ZNF385D: variants seen among roughly 807,000 people sequenced by gnomAD.
The protein encoded by ZNF385D is zinc finger protein 385D, also known as zinc finger protein 659.
ZNF385D carries 15 observed loss-of-function variants against 35.8 expected under a neutral mutation model. The ratio of observed to expected loss-of-function variants is 0.42; its 90% confidence interval spans 0.28 to 0.64. The LOEUF (loss-of-function observed/expected upper bound fraction) is 0.64, where lower values mean the gene tolerates loss of function less well. Ranked by LOEUF, ZNF385D falls within the 30% of genes least tolerant of loss-of-function variation. The pLI is 0.23. For missense variants in ZNF385D, 474 were observed against 494.6 expected, an observed-to-expected ratio of 0.96 and a Z score of 0.39; for synonymous variants, 212 against 186.8, an observed-to-expected ratio of 1.13 and a Z score of -1.10.
At chr3:22,204,369 G>C (rs746948026) in intron 2 of ZNF385D, among the ~76,000 whole-genome samples, 1 of 152,020 alleles carries the variant, frequency 6.6e-6, no homozygotes, top group East Asian at 1.9e-4. Flanking sequence ...CTGAATACCT[G>C]GAAAATCTTT....
intron 2 of ZNF385D, among the ~76,000 whole-genome samples, chr3:22,246,806 T>A (rs1205854590): frequency 6.6e-6 from 1 of 152,184 alleles, no homozygotes; most frequent in Non-Finnish European, 1.5e-5. Flanking sequence ...TAAGCCTTTT[T>A]TACTTTTCCC....
chr3:21,805,468 T>C lies in ZNF385D; in HGVS notation c.326-140440A>G, dbSNP rs144756186. ...ATAAAACAAATGCATAAGTGAATCA[T>C]GTCCATTCAATCCAATTCAAGTCTA... On this transcript the variant is annotated intron_variant, in intron 3 of 5. Coordinates refer to the ZNF385D transcript ENST00000494108. Among the ~76,000 whole-genome samples the C allele has an allele frequency of 3.5e-3, 528 of 152,326 alleles. 5 individuals are homozygous for C. Among genetic ancestry groups the C allele is most frequent in the African/African-American group, 0.012 (493 of 41,582 alleles).
intron 3 of ZNF385D, among the ~76,000 whole-genome samples, chr3:22,089,756 G>A (rs1701228581): frequency 6.6e-6 from 1 of 152,088 alleles, no homozygotes; most frequent in Admixed American, 6.6e-5. Flanking sequence ...TCCTGTATAT[G>A]CTGTTCTTAT....
chr3:22,087,822 T>A lies in ZNF385D; in HGVS notation c.325+80995A>T, dbSNP rs371070007. 3.9e-5 allele frequency among the ~76,000 whole-genome samples: 6 copies of A among 152,214 alleles called. 1 individual carries two copies. Among genetic ancestry groups the A allele is most frequent in the African/African-American group, 1.4e-4 (6 of 41,554 alleles). On this transcript the variant is annotated intron_variant, in intron 3 of 5. Coordinates refer to the ZNF385D transcript ENST00000494108. ...TGTAACAGTGAGAATAATCAAAGTTTAAAAAAAGCAGAGTATAGGAATGAT... is the reference window on the plus strand; with the variant it reads ...TGTAACAGTGAGAATAATCAAAGTTAAAAAAAAGCAGAGTATAGGAATGAT...
intron 3 of ZNF385D, among the ~76,000 whole-genome samples, chr3:21,815,067 C>G (rs1387401495): frequency 6.6e-6 from 1 of 152,172 alleles, no homozygotes; most frequent in African/African-American, 2.4e-5. Context: ...ACTGAACAAC[C>G]TGCTCCTGAA....
chr3:22,020,292 A>C (rs1697146227), intron 3 of ZNF385D, among the ~76,000 whole-genome samples: 1 of 151,960 alleles, frequency 6.6e-6, no homozygotes, highest in African/African-American at 2.4e-5. Flanking sequence ...GCAGGAGTGG[A>C]AATGCTGCAT....
chr3:21,900,215 T>A (rs1454274579), intron 3 of ZNF385D, among the ~76,000 whole-genome samples: 1 of 152,178 alleles, frequency 6.6e-6, no homozygotes, highest in Non-Finnish European at 1.5e-5. Flanking sequence ...CATTGAATGT[T>A]GGCAATTTAG....
chr3:22,293,203 G>A (rs1207213652), intron 2 of ZNF385D, among the ~76,000 whole-genome samples: 2 of 151,990 alleles, frequency 1.3e-5, no homozygotes, highest in Non-Finnish European at 2.9e-5. Context: ...ATTTGCATGT[G>A]TCATAATAAT....
chr3:21,953,506 T>C (rs1342503023), intron 3 of ZNF385D, among the ~76,000 whole-genome samples: 1 of 152,066 alleles, frequency 6.6e-6, no homozygotes, highest in Non-Finnish European at 1.5e-5. Context: ...GTAATACTTC[T>C]AAGAAAAGTT....
intron 2 of ZNF385D, among the ~76,000 whole-genome samples, chr3:22,324,772 T>G (rs77303360): frequency 0.016 from 2,434 of 152,292 alleles, 118 homozygotes; most frequent in East Asian, 0.097. Flanking sequence ...CAAGTGCTAC[T>G]CAATACTGTG....
intron 2 of ZNF385D, among the ~76,000 whole-genome samples, chr3:21,594,597 G>A (rs1286764217): frequency 6.6e-6 from 1 of 152,102 alleles, no homozygotes; most frequent in Non-Finnish European, 1.5e-5. Flanking sequence ...ATAACTGATG[G>A]TGTCAACTAA....
intron 2 of ZNF385D, among the ~76,000 whole-genome samples, chr3:21,648,635 T>C (rs551652167): frequency 1.3e-5 from 2 of 152,318 alleles, no homozygotes; most frequent in East Asian, 3.9e-4. Context: ...TATGATTCTA[T>C]AAGAATCTCT....
intron 3 of ZNF385D, among the ~76,000 whole-genome samples, chr3:21,899,205 A>G (rs994719903): frequency 2.0e-5 from 3 of 151,936 alleles, no homozygotes; most frequent in Non-Finnish European, 4.4e-5. Flanking sequence ...TGCCCAGGAC[A>G]GTGCCCTATG....
intron 2 of ZNF385D, among the ~76,000 whole-genome samples, chr3:22,293,471 C>G (rs567297569): frequency 6.6e-6 from 1 of 152,038 alleles, no homozygotes; most frequent in African/African-American, 2.4e-5. Context: ...ATAAAAGAGT[C>G]CTCTTTGTTC....
intron 2 of ZNF385D, among the ~76,000 whole-genome samples, chr3:22,260,328 C>G (rs1700558925): frequency 6.6e-6 from 1 of 151,806 alleles, no homozygotes; most frequent in Non-Finnish European, 1.5e-5. Context: ...AGGGAAACAT[C>G]ACACACCAGG....
chr3:22,361,199 T>C (rs1408875577), intron 2 of ZNF385D, among the ~76,000 whole-genome samples: 1 of 152,040 alleles, frequency 6.6e-6, no homozygotes, highest in East Asian at 1.9e-4. Context: ...ATGGACAAGA[T>C]GATTCATTGT....
chr3:22,315,119 G>T (rs1413496230), intron 2 of ZNF385D, among the ~76,000 whole-genome samples: 1 of 152,080 alleles, frequency 6.6e-6, no homozygotes, highest in East Asian at 1.9e-4. Flanking sequence ...TAAAATCAGG[G>T]GTACAGCCAG....
chr3:22,202,547 G>A (rs548699704), intron 2 of ZNF385D, among the ~76,000 whole-genome samples: 2 of 152,124 alleles, frequency 1.3e-5, no homozygotes, highest in South Asian at 4.2e-4. Context: ...ATACCAAATG[G>A]AACAACTTTC....
intron 3 of ZNF385D, among the ~76,000 whole-genome samples, chr3:21,777,019 C>G (rs1445757695): frequency 6.6e-6 from 1 of 151,930 alleles, no homozygotes; most frequent in South Asian, 2.1e-4. Context: ...CTCTTGGCCC[C>G]CAAACATGCT....
Sources: allele counts gnomAD v4.1 joint callset (sites outside exome capture counted in the v4.1 genomes callset), GRCh38; gene constraint gnomAD v4.1.1; transcripts MANE v1.5; gene names NCBI Gene and HGNC (gene_info 2026-07-23, HGNC 2026-07-21).